Variants in DYSF observed in about 807,000 individuals in gnomAD.
The protein encoded by DYSF is dystrophy-associated fer-1-like 1.
A neutral mutation model predicts 274.9 loss-of-function variants in DYSF; 212 were observed. The ratio of observed to expected loss-of-function variants is 0.77; its 90% confidence interval spans 0.69 to 0.86. The LOEUF is 0.86. DYSF is among the 40% of genes least tolerant of loss of function. The probability of loss-of-function intolerance (pLI) is 0.00; values close to 1 mark genes in which losing one functional copy is unlikely to be tolerated. For synonymous variants in DYSF, 1,091 were observed against 1,078.7 expected (o/e 1.01, Z -0.22); for missense variants, 2,666 against 2,783.2 (o/e 0.96, Z 0.95).
At chr2:71,516,864 C>T in intron 9 of DYSF, 125 bp from the exon 10 acceptor site, 1 of 891,800 alleles carries the variant, frequency 1.1e-6, no homozygotes, top group Non-Finnish European at 1.9e-6. Flanking sequence ...CTGCTTAGAA[C>T]AGTCTCTGGA....
intron 36 of DYSF, among the ~76,000 whole-genome samples, chr2:71,606,555 A>G (rs2093651609): frequency 6.6e-6 from 1 of 152,080 alleles, no homozygotes; most frequent in Non-Finnish European, 1.5e-5. Flanking sequence ...TGTGCCCCTC[A>G]AGTGGGCTGG....
chr2:71,480,404 A>T (rs1468200203), intron 1 of DYSF, among the ~76,000 whole-genome samples: 2 of 151,764 alleles, frequency 1.3e-5, no homozygotes, highest in African/African-American at 4.8e-5. Flanking sequence ...ACACATACAC[A>T]CCAGCTTGAT....
At position 71,611,719 on chromosome 2, in the gene DYSF, C is replaced by T. The variant is rs556210370; in HGVS notation, c.4221+93C>T. On this transcript the variant is annotated intron_variant, in intron 38 of 55. Transcript: ENST00000410020. ...AGCCTGGGGCTTGTGCTCCAATTCC[C>T]TGCGGGATCCAGGGTAGGACCCCTC... 44 of 1,480,846 alleles carry T rather than the reference C, an allele frequency of 3.0e-5. No individual in the cohort carries two copies. The African/African-American group carries it at 4.3e-4, about 14-fold the overall frequency. The allele number at this position is 1,480,846 out of a possible 1,614,324, so 91.7% of individuals were successfully genotyped here. A position where few individuals can be genotyped will look rare whatever the true frequency, so the allele number is the denominator to read the frequency against.
chr2:71,496,827 A>G (rs2084448092), intron 3 of DYSF, among the ~76,000 whole-genome samples: 1 of 152,230 alleles, frequency 6.6e-6, no homozygotes, highest in African/African-American at 2.4e-5. Context: ...TTAAAAAAAT[A>G]TGGGCCAGGT....
intron 55 of DYSF, among the ~76,000 whole-genome samples, chr2:71,683,953 G>A (rs113201280): frequency 3.3e-5 from 5 of 152,360 alleles, no homozygotes; most frequent in African/African-American, 1.2e-4. Flanking sequence ...AGAGGAGCTG[G>A]GGAAAGGATG....
At position 71,577,530 on chromosome 2, in the gene DYSF, A is replaced by ACT. The variant is rs200882407; in HGVS notation, c.3402+3163_3402+3164dup. Among the ~76,000 whole-genome samples the ACT allele has an allele frequency of 2.4e-3, 349 of 143,616 alleles. 5 individuals are homozygous for ACT. Among genetic ancestry groups the ACT allele is most frequent in the East Asian group, 0.017 (79 of 4,728 alleles). The allele number at this position is 143,616 out of a possible 152,430, so 94.2% of individuals were successfully genotyped here. ...AGCCCCACTCTCATGCAGCCCCCCC[A>ACT]CTCTCACACTAACACGTACACAATC... On this transcript the variant is annotated intron_variant, in intron 30 of 55. Transcript: ENST00000410020.
Position 71,537,223 on chromosome 2 carries a change from G to GTTTTTTTT in DYSF, c.1494-1918_1494-1911dup, listed in dbSNP as rs71402990. ...CAGGAAATTTTTACTTTCTAGTTTT[G>GTTTTTTTT]TTTTTTTTTTTTTTTTTTTTTTTGC... On this transcript the variant is annotated intron_variant, in intron 16 of 55. Transcript: ENST00000410020. 3.1e-3 allele frequency among the ~76,000 whole-genome samples: 243 copies of GTTTTTTTT among 79,596 alleles called. 3 individuals carry two copies. The highest frequency in any genetic ancestry group is 3.6e-3 in the Non-Finnish European group (153 of 42,242). The allele number at this position is 79,596 out of a possible 152,430, so 52.2% of individuals were successfully genotyped here. A position where few individuals can be genotyped will look rare whatever the true frequency, so the allele number is the denominator to read the frequency against.
At chr2:71,670,699 A>G (rs996559333) in intron 51 of DYSF, among the ~76,000 whole-genome samples, 1 of 152,190 alleles carries the variant, frequency 6.6e-6, no homozygotes, top group Non-Finnish European at 1.5e-5. Flanking sequence ...TTACCCCTGA[A>G]CTAGGCAGAA....
At chr2:71,496,421 G>A (rs960509246) in intron 3 of DYSF, among the ~76,000 whole-genome samples, 1 of 152,164 alleles carries the variant, frequency 6.6e-6, no homozygotes, top group Non-Finnish European at 1.5e-5. Context: ...ACGGGGACAA[G>A]CGCCTTTATT....
At chr2:71,624,108 T>C (rs2094160890) in intron 41 of DYSF, among the ~76,000 whole-genome samples, 1 of 152,140 alleles carries the variant, frequency 6.6e-6, no homozygotes, top group South Asian at 2.1e-4. Flanking sequence ...CTTAAATTAG[T>C]TTTCATAGAT....
intron 17 of DYSF, among the ~76,000 whole-genome samples, chr2:71,544,354 C>G (rs953456626): frequency 6.6e-6 from 1 of 152,060 alleles, no homozygotes; most frequent in African/African-American, 2.4e-5. Flanking sequence ...CTACCCAGTG[C>G]TCTTGAAGCT....
At chr2:71,677,943 A>G (rs1008045324) in intron 52 of DYSF, among the ~76,000 whole-genome samples, 12 of 152,358 alleles carry the variant, frequency 7.9e-5, no homozygotes, top group African/African-American at 2.9e-4. Flanking sequence ...GGAACACCTC[A>G]AGTGTCCATC....
At chr2:71,632,542 T>A (rs762953563) in intron 41 of DYSF, among the ~76,000 whole-genome samples, 1 of 152,212 alleles carries the variant, frequency 6.6e-6, no homozygotes, top group Non-Finnish European at 1.5e-5. Flanking sequence ...CTTAAGTAGT[T>A]GTAACTCTTG....
intron 30 of DYSF, among the ~76,000 whole-genome samples, chr2:71,580,190 A>G (rs972795821): frequency 5.9e-5 from 9 of 152,310 alleles, no homozygotes; most frequent in African/African-American, 2.2e-4. Context: ...TCCTCACCTG[A>G]TAGCCAGGCA....
intron 45 of DYSF, 152 bp from the exon 46 acceptor site, chr2:71,664,116 G>A: frequency 1.1e-6 from 1 of 916,362 alleles, no homozygotes; most frequent in Non-Finnish European, 1.7e-6. Context: ...CTCAGGCCCA[G>A]TACAGCAGTG....
chr2:71,575,022 T>C (rs2092654456), intron 30 of DYSF, among the ~76,000 whole-genome samples: 1 of 152,078 alleles, frequency 6.6e-6, no homozygotes, highest in South Asian at 2.1e-4. Context: ...GGGAAGGAGC[T>C]GCTCCCTCTG....
Position 71,591,226 on chromosome 2 carries a change from A to C in DYSF, c.3574+938A>C, listed in dbSNP as rs554567354. Among the ~76,000 whole-genome samples, 3 of 152,294 alleles carry C rather than the reference A, an allele frequency of 2.0e-5. No homozygotes were observed. In the South Asian group the frequency reaches 6.2e-4, roughly 32 times the overall value. ...CCCTATTTCTAACCAGCAAACTCCTAGTTATCCTTCAAGACCCAGCCCAGA... is the reference window on the plus strand; with the variant it reads ...CCCTATTTCTAACCAGCAAACTCCTCGTTATCCTTCAAGACCCAGCCCAGA... On this transcript the variant is annotated intron_variant, in intron 32 of 55. Transcript: ENST00000410020.
intron 24 of DYSF, among the ~76,000 whole-genome samples, chr2:71,565,183 G>A (rs1027010478): frequency 1.3e-5 from 2 of 151,710 alleles, no homozygotes; most frequent in Non-Finnish European, 2.9e-5. Context: ...CAAGTTCAAG[G>A]GATTCTCCTC....
intron 4 of DYSF, among the ~76,000 whole-genome samples, chr2:71,503,751 C>T (rs1342648032): frequency 6.6e-6 from 1 of 151,618 alleles, no homozygotes; most frequent in Non-Finnish European, 1.5e-5. Flanking sequence ...AGGGAAAGAG[C>T]CCTCTCCCCT....
Sources: allele counts gnomAD v4.1 joint callset (sites outside exome capture counted in the v4.1 genomes callset), GRCh38; gene constraint gnomAD v4.1.1; transcripts MANE v1.5; gene names NCBI Gene and HGNC (gene_info 2026-07-23, HGNC 2026-07-21).